The following EYS variants were observed in gnomAD, a reference collection of about 807,000 sequenced individuals.
The protein encoded by EYS is protein eyes shut homolog.
EYS carries 250 observed loss-of-function variants against 282.1 expected under a neutral mutation model. The ratio of observed to expected loss-of-function variants is 0.89; its 90% confidence interval spans 0.80 to 0.98. The LOEUF is 0.98. Ranked by LOEUF, EYS falls within the 50% of genes least tolerant of loss-of-function variation. The pLI, the probability that EYS is intolerant of heterozygous loss-of-function variation, is 0.00. For missense variants in EYS, 4,016 were observed against 3,709.0 expected (o/e 1.08, Z -2.15); for synonymous variants, 1,355 against 1,282.9 (o/e 1.06, Z -1.20).
chr6:65,332,095 G>A (rs912630825), intron 11 of EYS: 1 of 383,946 alleles, frequency 2.6e-6, no homozygotes, highest in African/African-American at 2.1e-5. Context: ...TCACCGTAAA[G>A]TATAATGTTA....
chr6:64,495,500 A>G (rs1562025279), intron 26 of EYS, among the ~76,000 whole-genome samples: 1 of 151,848 alleles, frequency 6.6e-6, no homozygotes, highest in Non-Finnish European at 1.5e-5. Context: ...CCAGACCAGA[A>G]TAACTCTTAA....
At chr6:63,846,095 A>C (rs540015273) in intron 36 of EYS, among the ~76,000 whole-genome samples, 3 of 152,176 alleles carry the variant, frequency 2.0e-5, no homozygotes, top group Middle Eastern at 3.4e-3. Flanking sequence ...CATACAACAA[A>C]CCTCTGAAAT....
intron 12 of EYS, among the ~76,000 whole-genome samples, chr6:65,245,864 CA>C (rs1365538190): frequency 6.6e-6 from 1 of 151,932 alleles, no homozygotes; most frequent in Non-Finnish European, 1.5e-5. Context: ...GAAGATCTCT[CA>C]AAGAGCTAAA....
At chr6:65,035,839 G>C (rs1170023758) in intron 13 of EYS, among the ~76,000 whole-genome samples, 1 of 149,232 alleles carries the variant, frequency 6.7e-6, no homozygotes, top group Non-Finnish European at 1.5e-5. Flanking sequence ...CTCTTTTCTG[G>C]TTCCATATAA....
At chr6:64,307,595 A>G (rs1769502527) in intron 29 of EYS, among the ~76,000 whole-genome samples, 1 of 152,104 alleles carries the variant, frequency 6.6e-6, no homozygotes, top group Non-Finnish European at 1.5e-5. Context: ...GTCAAGAGAT[A>G]CAAAGCATCA....
chr6:63,942,528 G>T (rs62413037), intron 35 of EYS, among the ~76,000 whole-genome samples: 5,158 of 152,140 alleles, frequency 0.034, 125 homozygotes, highest in Non-Finnish European at 0.049. Flanking sequence ...CAGACGATGA[G>T]GAAGAACAGG....
chr6:65,387,806 A>G (rs1432681536), intron 7 of EYS, among the ~76,000 whole-genome samples: 1 of 151,930 alleles, frequency 6.6e-6, no homozygotes, highest in Non-Finnish European at 1.5e-5. Context: ...GAACAGTTAT[A>G]TTTGTAATTT....
intron 13 of EYS, among the ~76,000 whole-genome samples, chr6:65,014,977 G>C (rs1395995352): frequency 6.6e-6 from 1 of 152,090 alleles, no homozygotes; most frequent in Non-Finnish European, 1.5e-5. Context: ...AAGGAGGAAG[G>C]TGACATGAAG....
At chr6:64,393,986 T>C (rs1773261313) in intron 28 of EYS, among the ~76,000 whole-genome samples, 1 of 151,926 alleles carries the variant, frequency 6.6e-6, no homozygotes, top group African/African-American at 2.4e-5. Flanking sequence ...TATACACCAA[T>C]AACAGCAAAC....
intron 26 of EYS, among the ~76,000 whole-genome samples, chr6:64,531,611 T>C (rs1327464433): frequency 6.6e-6 from 1 of 151,406 alleles, no homozygotes; most frequent in Non-Finnish European, 1.5e-5. Context: ...TTTTGTATTT[T>C]TAGTAGAGAC....
intron 8 of EYS, among the ~76,000 whole-genome samples, chr6:65,360,908 C>A (rs1372270455): frequency 2.0e-5 from 3 of 152,000 alleles, no homozygotes; most frequent in Non-Finnish European, 4.4e-5. Flanking sequence ...TGGATGAAGG[C>A]ATGTATTGGG....
chr6:64,363,146 G>A (rs1246652988), intron 29 of EYS, among the ~76,000 whole-genome samples: 1 of 151,534 alleles, frequency 6.6e-6, no homozygotes, highest in Admixed American at 6.6e-5. Flanking sequence ...ATTCTTAACT[G>A]ATATAATCCT....
At chr6:63,739,581 C>T (rs868339818) in intron 41 of EYS, among the ~76,000 whole-genome samples, 4 of 152,140 alleles carry the variant, frequency 2.6e-5, no homozygotes, top group Non-Finnish European at 5.9e-5. Flanking sequence ...GAAGTGAGTA[C>T]CTCCATTTAG....
intron 5 of EYS, among the ~76,000 whole-genome samples, chr6:65,468,891 A>G (rs985358176): frequency 1.3e-5 from 2 of 152,038 alleles, no homozygotes; most frequent in African/African-American, 2.4e-5. Flanking sequence ...TAAAACTTTA[A>G]GATTCTATGA....
At chr6:65,617,686 A>G (rs1331547912) in intron 2 of EYS, among the ~76,000 whole-genome samples, 4 of 143,958 alleles carry the variant, frequency 2.8e-5, no homozygotes, top group South Asian at 2.4e-4. Flanking sequence ...ATATCTCCCA[A>G]TGCTATCCCT....
chr6:65,067,212 C>CA (rs1397238955), intron 12 of EYS, among the ~76,000 whole-genome samples: 1 of 152,110 alleles, frequency 6.6e-6, no homozygotes, highest in African/African-American at 2.4e-5. Context: ...CAAACTAACT[C>CA]AAAGTCCTGC....
chr6:65,213,619 C>T (rs1207490264), intron 12 of EYS, among the ~76,000 whole-genome samples: 1 of 152,058 alleles, frequency 6.6e-6, no homozygotes, highest in Non-Finnish European at 1.5e-5. Context: ...CTCAAATTGC[C>T]ACAAACTACA....
chr6:64,269,489 GAT>G (rs1767869156), intron 30 of EYS, among the ~76,000 whole-genome samples: 1 of 151,748 alleles, frequency 6.6e-6, no homozygotes, highest in Admixed American at 6.6e-5. Context: ...ATCTTTGAAA[GAT>G]ACCTAAAACC....
chr6:65,010,923 AGAAAG>A (rs1436273228), intron 13 of EYS, among the ~76,000 whole-genome samples: 1 of 152,172 alleles, frequency 6.6e-6, no homozygotes, highest in Non-Finnish European at 1.5e-5. Flanking sequence ...TGGGGTCATC[AGAAAG>A]GAAAGGAAAG....
Sources: gnomAD v4.1 joint callset for allele counts (sites outside exome capture counted in the v4.1 genomes callset) on GRCh38, gnomAD v4.1.1 for gene constraint, MANE v1.5 for transcripts, NCBI Gene and HGNC (gene_info 2026-07-23, HGNC 2026-07-21) for gene names.